The following GSE1 variants were observed in gnomAD, a reference collection of about 807,000 sequenced individuals.
The protein encoded by GSE1 is genetic suppressor element 1.
A neutral mutation model predicts 112.6 loss-of-function variants in GSE1; 32 were observed. The observed-to-expected ratio is 0.28, with a 90% confidence interval of 0.21 to 0.38. The LOEUF is 0.38. Ranked by LOEUF, GSE1 falls within the 10% of genes least tolerant of loss-of-function variation. The pLI is 1.00. For synonymous variants in GSE1, 1,115 were observed against 735.6 expected (o/e 1.52, Z -8.35); for missense variants, 2,348 against 1,699.2 (o/e 1.38, Z -6.71).
intron 1 of GSE1, among the ~76,000 whole-genome samples, chr16:85,596,172 C>T (rs1019742043): frequency 2.6e-5 from 4 of 152,112 alleles, no homozygotes; most frequent in African/African-American, 9.7e-5. Flanking sequence ...CTGCCTCCCC[C>T]ACCGCTGCAT....
chr16:85,463,654 C>T (rs1318700276), intron 2 of GSE1, among the ~76,000 whole-genome samples: 4 of 152,168 alleles, frequency 2.6e-5, no homozygotes, highest in East Asian at 3.9e-4. Context: ...CCCCAAACTG[C>T]CCGATCACCT....
chr16:85,383,515 A>T (rs964220808), intron 2 of GSE1, among the ~76,000 whole-genome samples: 2 of 135,108 alleles, frequency 1.5e-5, no homozygotes, highest in Non-Finnish European at 3.3e-5. Context: ...ACACACACAC[A>T]CGCACACCTG....
At chr16:85,348,437 T>G (rs4467060) in intron 1 of GSE1, among the ~76,000 whole-genome samples, 1 of 152,040 alleles carries the variant, frequency 6.6e-6, no homozygotes, top group Non-Finnish European at 1.5e-5. Context: ...GAACATGACA[T>G]GGAGAGGCAT....
intron 1 of GSE1, among the ~76,000 whole-genome samples, chr16:85,595,939 C>G (rs2047207317): frequency 7.4e-6 from 1 of 135,258 alleles, no homozygotes; most frequent in African/African-American, 2.8e-5. Flanking sequence ...GATCCACCCA[C>G]CCACCCATTC....
chr16:85,653,818 C>G (rs941605682), intron 3 of GSE1, among the ~76,000 whole-genome samples: 10 of 152,316 alleles, frequency 6.6e-5, no homozygotes, highest in Non-Finnish European at 1.3e-4. Flanking sequence ...AGGTGGGCAG[C>G]TGTCGGCGCA....
intron 3 of GSE1, among the ~76,000 whole-genome samples, chr16:85,650,079 C>T (rs1260181521): frequency 6.6e-6 from 1 of 152,208 alleles, no homozygotes; most frequent in Non-Finnish European, 1.5e-5. Context: ...GCTGGACCTC[C>T]TCTGCCCCTG....
upstream of GSE1, chr16:85,613,202 T>A (rs1451599833): frequency 2.1e-6 from 3 of 1,432,830 alleles, no homozygotes; most frequent in Non-Finnish European, 2.7e-6. Flanking sequence ...TGGGCGGCGT[T>A]GCGTTTGGGT....
intron 2 of GSE1, among the ~76,000 whole-genome samples, chr16:85,647,656 T>A (rs1040177765): frequency 2.0e-5 from 3 of 152,096 alleles, no homozygotes; most frequent in African/African-American, 4.8e-5. Context: ...GCACGATCTC[T>A]GCTCACCAGA....
At position 85,373,732 on chromosome 16, in the gene GSE1, G is replaced by A. The variant is rs59426412; in HGVS notation, c.2464+16089G>A. On this transcript the variant is annotated intron_variant, in intron 2 of 2. Coordinates refer to the GSE1 transcript ENST00000637419. The surrounding 1 kb of genome is among the most constrained non-coding windows in gnomAD (Gnocchi z 5.1). ...GGCGGGTGGGTGGAGGGACGAAAGG[G>A]CGAATGAATGAGCGCTGGCCGCCTT... Among the ~76,000 whole-genome samples, 4,315 of 152,196 alleles carry A rather than the reference G, an allele frequency of 0.028. 188 individuals are homozygous for A. Among genetic ancestry groups the A allele is most frequent in the African/African-American group, 0.098 (4,068 of 41,500 alleles).
At position 85,292,723 on chromosome 16, in the gene GSE1, G is replaced by C. The variant is rs141284690; in HGVS notation, c.2284-64740G>C. Among the ~76,000 whole-genome samples, 706 of 152,302 alleles carry C rather than the reference G, an allele frequency of 4.6e-3. 4 individuals are homozygous for C. Among genetic ancestry groups the C allele is most frequent in the African/African-American group, 0.016 (645 of 41,558 alleles). On this transcript the variant is annotated intron_variant, in intron 1 of 2. Coordinates refer to the GSE1 transcript ENST00000637419. ...GATCCACCTGCCTCGACCTCCCAAA[G>C]TGCTGGGATTACAGGTGTGAGCCAC...
At chr16:85,413,916 G>A (rs577229905) in intron 2 of GSE1, among the ~76,000 whole-genome samples, 3 of 152,274 alleles carry the variant, frequency 2.0e-5, no homozygotes, top group Admixed American at 2.0e-4. Context: ...TTTATAACAG[G>A]CCCTTCCCCC....
At chr16:85,224,786 G>A (rs1427154354) in intron 1 of GSE1, among the ~76,000 whole-genome samples, 1 of 151,082 alleles carries the variant, frequency 6.6e-6, no homozygotes, top group African/African-American at 2.4e-5. Context: ...TCAGGAGTTC[G>A]AGACCAGCCT....
chr16:85,295,445 C>T (rs1190200390), intron 1 of GSE1, among the ~76,000 whole-genome samples: 4 of 152,254 alleles, frequency 2.6e-5, no homozygotes, highest in African/African-American at 7.2e-5. Flanking sequence ...GCGTAGACCG[C>T]GTCCTTTTTG....
At chr16:85,322,528 G>A (rs2046130311) in intron 1 of GSE1, among the ~76,000 whole-genome samples, 1 of 151,984 alleles carries the variant, frequency 6.6e-6, no homozygotes, top group South Asian at 2.1e-4. Context: ...GGTCTGCTGG[G>A]TTCAGGACCT....
At chr16:85,656,240 T>C in intron 6 of GSE1, 103 bp from the exon 7 acceptor site, 1 of 1,418,358 alleles carries the variant, frequency 7.1e-7, no homozygotes, top group Non-Finnish European at 9.6e-7. Context: ...CTGTTCAGAT[T>C]AGCGCCCTGG....
chr16:85,558,926 C>T (rs1310009534), intron 1 of GSE1, among the ~76,000 whole-genome samples: 1 of 151,536 alleles, frequency 6.6e-6, no homozygotes, highest in African/African-American at 2.4e-5. Context: ...GGTGTGATCT[C>T]GGCTCACTGC....
At chr16:85,468,413 T>A (rs2050187361) in intron 2 of GSE1, among the ~76,000 whole-genome samples, 1 of 148,352 alleles carries the variant, frequency 6.7e-6, no homozygotes, top group Non-Finnish European at 1.5e-5. Flanking sequence ...ACCTCCTGGG[T>A]TCAAGTGATT....
intron 1 of GSE1, among the ~76,000 whole-genome samples, chr16:85,318,254 G>A (rs931327649): frequency 3.9e-5 from 6 of 152,162 alleles, no homozygotes; most frequent in African/African-American, 1.4e-4. Context: ...TCTGAGCCCC[G>A]GTTTCCTTAT....
rs749931883 is a variant in GSE1, at chr16:85,661,521, G to C, written c.2016G>C (p.Gly672=). 1 of 1,611,890 alleles carries C rather than the reference G, an allele frequency of 6.2e-7. No homozygotes were observed. The highest frequency in any genetic ancestry group is 1.7e-5 in the Admixed American group (1 of 59,970). ...ACCAGCCCTTCCTGCCCGGGCCCGG[G>C]CCCTTCCTGGCTGAGCTCGAGAAGT... is the stretch of plus-strand genomic sequence containing the variant. ...LEHQPFLPGP[G]PFLAELEKST... is the part of the protein sequence containing the mutation. Residue 672 remains glycine, a synonymous_variant, in exon 9 of 16, where the codon GGG becomes GGC. Coordinates refer to ENST00000253458, the MANE Select transcript of GSE1 (RefSeq NM_014615.5).
Sources: allele counts gnomAD v4.1 joint callset (sites outside exome capture counted in the v4.1 genomes callset), GRCh38; gene constraint gnomAD v4.1.1; non-coding constraint Gnocchi (gnomAD v3.1); transcripts MANE v1.5; gene names NCBI Gene and HGNC (gene_info 2026-07-23, HGNC 2026-07-21).